Variants in SPATA2 observed in about 807,000 individuals in gnomAD.
The protein encoded by SPATA2 is spermatogenesis associated 2.
Under a neutral mutation model 35.4 loss-of-function variants are expected in SPATA2, and 8 were observed. The ratio of observed to expected loss-of-function variants is 0.23; its 90% CI spans 0.13 to 0.41. SPATA2 has a LOEUF of 0.41. SPATA2 is among the 10% of genes least tolerant of loss of function. SPATA2 has a pLI of 1.00. For synonymous variants in SPATA2, 293 were observed against 300.9 expected (o/e 0.97, Z 0.27); for missense variants, 650 against 698.7 (o/e 0.93, Z 0.79).
rs1432802650 is a variant in SPATA2 at position 49,908,217 on chromosome 20, G to C, written c.274C>G (p.Leu92Val). The change falls in exon 2 of 3, where the codon CTG becomes GTG. Residue 92 changes from leucine (L) to valine (V), a missense_variant. By Grantham distance (32) the Leu-to-Val change is conservative. Coordinates refer to ENST00000289431, the MANE Select transcript of SPATA2 (RefSeq NM_006038.4). ...AAGAGGTTGATGCCCACCGTCTCCA[G>C]CATGCTGAAGGCGCCGTGCAGAGCC... ...LRALHGAFSM[L>V]ETVGINLFLY... is the part of the protein sequence containing the mutation. 1 of 1,613,934 alleles carries C rather than the reference G, an allele frequency of 6.2e-7. No homozygotes were observed. Among genetic ancestry groups the C allele is most frequent in the South Asian group, 1.1e-5 (1 of 91,080 alleles).
chr20:49,912,787 T>A (rs2090188460), intron 1 of SPATA2, among the ~76,000 whole-genome samples: 1 of 152,108 alleles, frequency 6.6e-6, no homozygotes, highest in Non-Finnish European at 1.5e-5. Flanking sequence ...GCCCAGCTGA[T>A]GTTCAAAATA....
At chr20:49,913,815 T>G (rs1267426462) in intron 1 of SPATA2, 1 of 152,042 alleles carries the variant, frequency 6.6e-6, no homozygotes, top group Non-Finnish European at 1.5e-5. Context: ...CTGAAAACAT[T>G]TTCTGAGAAT....
rs943092531 is a variant in SPATA2, at chr20:49,905,544, C to A, written c.*75G>T. 4.6e-6 allele frequency: 7 copies of A among 1,525,916 alleles called. No individual in the cohort carries two copies. The highest frequency in any genetic ancestry group is 1.8e-5 in the Admixed American group (1 of 56,290). 94.5% of individuals were successfully genotyped at this position (1,525,916 alleles called of 1,614,324 possible). A position where few individuals can be genotyped will look rare whatever the true frequency, so the allele number is the denominator to read the frequency against. ...CAGGCCTCCGCCTCTGAGATCAATG[C>A]GTTAGTACTTCTTCACCGTGAAACC... is the stretch of plus-strand genomic sequence containing the variant. On this transcript the variant is annotated 3_prime_UTR_variant, in exon 3 of 3. Coordinates refer to ENST00000289431, the MANE Select transcript of SPATA2 (RefSeq NM_006038.4).
intron 1 of SPATA2, among the ~76,000 whole-genome samples, 193 bp downstream of exon 1, chr20:49,915,187 G>A (rs1363817031): frequency 1.3e-5 from 2 of 152,132 alleles, no homozygotes; most frequent in East Asian, 3.9e-4. Flanking sequence ...CTGCGAGGCA[G>A]CTCCCGGGAG....
chr20:49,911,519 T>C (rs2090181921), intron 1 of SPATA2, among the ~76,000 whole-genome samples: 1 of 151,328 alleles, frequency 6.6e-6, no homozygotes, highest in East Asian at 1.9e-4. Flanking sequence ...AAAAAAAAAT[T>C]AGACGGGTGT....
chr20:49,913,247 T>C (rs2090191239), intron 1 of SPATA2, among the ~76,000 whole-genome samples: 2 of 152,234 alleles, frequency 1.3e-5, no homozygotes, highest in South Asian at 4.1e-4. Flanking sequence ...GCTCTTCCCA[T>C]TAAAACAACC....
Position 49,905,954 on chromosome 20 carries a change from G to A in SPATA2, c.1228C>T (p.Pro410Ser). ...GAGGCCTTGCTGGGGAAGGCGCTGG[G>A]CTTGGAAGCTGGAGGACAGGTGAGC... ...SLLTCPPASK[P>S]SAFPSKASTH... Residue 410 changes from proline to serine, a missense_variant, in exon 3 of 3, where the codon CCC (proline) becomes TCC (serine). Pro to Ser is a moderately conservative substitution (Grantham distance 74). Coordinates refer to ENST00000289431, the MANE Select transcript of SPATA2 (RefSeq NM_006038.4). 6.2e-7 allele frequency: 1 copy of A among 1,609,812 alleles called. No individual in the cohort carries two copies. Among genetic ancestry groups the A allele is most frequent in the Non-Finnish European group, 8.5e-7 (1 of 1,179,892 alleles).
rs369935597 is a variant in SPATA2, at chr20:49,906,139, C to T, written c.1043G>A (p.Arg348His). 9.7e-5 allele frequency: 156 copies of T among 1,609,992 alleles called. No individual in the cohort carries two copies. The highest frequency in any genetic ancestry group is 1.2e-4 in the Non-Finnish European group (146 of 1,178,040). ...ATCCGGCCGCAGAGCATCCTGCCGACGGTAGGTGGCCCTGGGTTCAGAGTC... is the reference window on the plus strand; with the variant it reads ...ATCCGGCCGCAGAGCATCCTGCCGATGGTAGGTGGCCCTGGGTTCAGAGTC... ...YTDSEPRATY[R>H]RQDALRPDVW... The change falls in exon 3 of 3, where the codon CGT (arginine) becomes CAT (histidine). Residue 348 changes from arginine to histidine, a missense_variant. Arg to His is a conservative substitution (Grantham distance 29, BLOSUM62 0). Transcript: ENST00000289431. This position sits in a 1 kb window ranked among gnomAD's most constrained non-coding sequence, Gnocchi z 8.2.
At position 49,905,858 on chromosome 20, in the gene SPATA2, G is replaced by A. The variant is rs370232950; in HGVS notation, c.1324C>T (p.Arg442Cys). 6.2e-5 allele frequency: 100 copies of A among 1,613,800 alleles called. No homozygotes were observed. Among genetic ancestry groups the A allele is most frequent in the Middle Eastern group, 1.7e-4 (1 of 6,048 alleles). Residue 442 changes from arginine (R) to cysteine (C), a missense_variant, in exon 3 of 3, where the codon CGC (arginine) becomes TGC (cysteine). By Grantham distance (180) the Arg-to-Cys change is radical. Coordinates refer to ENST00000289431, the MANE Select transcript of SPATA2 (RefSeq NM_006038.4). ...GATTTGGAGTGAAGGTGCGGGAGGC[G>A]GTCGAGGCCCTGAGTCTGGCCTGGG... ...KYPGQTQGLDRLPHLHSKSKP... is the reference protein window; with the variant it reads ...KYPGQTQGLDCLPHLHSKSKP...
intron 1 of SPATA2, among the ~76,000 whole-genome samples, chr20:49,909,986 C>T (rs1427434896): frequency 6.6e-6 from 1 of 152,222 alleles, no homozygotes; most frequent in Non-Finnish European, 1.5e-5. Flanking sequence ...CGCTTGACAG[C>T]CCCCTGTTGG....
At position 49,906,760 on chromosome 20, in the gene SPATA2, G is replaced by A; in HGVS notation, c.422C>T (p.Thr141Ile). ...CTTGTATGCAGTGCCCAGCTCAGGTGTGTAGCCCATGCAGCTCAGGATGGC... is the reference window on the plus strand; with the variant it reads ...CTTGTATGCAGTGCCCAGCTCAGGTATGTAGCCCATGCAGCTCAGGATGGC... ...IRAILSCMGY[T>I]PELGTAYKLR... Residue 141 changes from threonine to isoleucine, a missense_variant, in exon 3 of 3, where the codon ACA (threonine) becomes ATA (isoleucine). Transcript: ENST00000289431. The surrounding 1 kb of genome is among the most constrained non-coding windows in gnomAD (Gnocchi z 8.2). 4 of 1,614,218 alleles carry A rather than the reference G, an allele frequency of 2.5e-6. No homozygotes were observed. Among genetic ancestry groups the A allele is most frequent in the Non-Finnish European group, 3.4e-6 (4 of 1,180,034 alleles).
rs1431587837 is a variant in SPATA2 at position 49,903,902 on chromosome 20, G to GATAGATAT, written c.*1716_*1717insATATCTAT. The GATAGATAT allele has an allele frequency of 2.5e-4, 24 of 96,908 alleles. No individual in the cohort carries two copies. Among genetic ancestry groups the GATAGATAT allele is most frequent in the Non-Finnish European group, 4.0e-4 (20 of 49,676 alleles). 6.0% of individuals were successfully genotyped at this position (96,908 alleles called of 1,614,324 possible). On this transcript the variant is annotated 3_prime_UTR_variant, in exon 3 of 3. Coordinates refer to ENST00000289431, the MANE Select transcript of SPATA2 (RefSeq NM_006038.4). ...ACATCTACATGTGATCTACCAGATA[G>GATAGATAT]ATATATATATATATATATATATATA... is the stretch of plus-strand genomic sequence containing the variant.
chr20:49,912,372 G>A (rs62208179), intron 1 of SPATA2, among the ~76,000 whole-genome samples: 2,215 of 152,332 alleles, frequency 0.015, 23 homozygotes, highest in Non-Finnish European at 0.025. Flanking sequence ...CGTGAACCCA[G>A]GAGGGAGAGG....
Position 49,906,012 on chromosome 20 carries a change from G to A in SPATA2, c.1170C>T (p.Cys390=). 2.5e-6 allele frequency: 4 copies of A among 1,606,094 alleles called. No homozygotes were observed. Among genetic ancestry groups the A allele is most frequent in the Non-Finnish European group, 3.4e-6 (4 of 1,179,514 alleles). Residue 390 remains cysteine (C), a synonymous_variant, in exon 3 of 3, where the codon TGC becomes TGT. Coordinates refer to ENST00000289431, the MANE Select transcript of SPATA2 (RefSeq NM_006038.4). This position sits in a 1 kb window ranked among gnomAD's most constrained non-coding sequence, Gnocchi z 8.2. ...CACAGCGCTGGCAGAGGGAGGAGCT[G>A]CAGGACAGCCCGCAGCTTTGGCACT... The part of the protein sequence containing the change: ...LSKCQSCGLS[C]SSSLCQRCDS...
intron 1 of SPATA2, among the ~76,000 whole-genome samples, chr20:49,910,886 T>C (rs2769978): frequency 0.42 from 64,195 of 152,012 alleles, 15,630 homozygotes; most frequent in East Asian, 0.79. Context: ...AGTGCTACAG[T>C]GACAAATAAG....
Position 49,905,891 on chromosome 20 carries a change from C to T in SPATA2, c.1291G>A (p.Glu431Lys), listed in dbSNP as rs748996662. The T allele has an allele frequency of 1.2e-6, 2 of 1,612,982 alleles. No homozygotes were observed. Among genetic ancestry groups the T allele is most frequent in the South Asian group, 2.2e-5 (2 of 91,068 alleles). The change falls in exon 3 of 3, where the codon GAG (glutamate) becomes AAG (lysine). Residue 431 changes from glutamate (E) to lysine (K), a missense_variant. By Grantham distance (56) the Glu-to-Lys change is moderately conservative. Coordinates refer to ENST00000289431, the MANE Select transcript of SPATA2 (RefSeq NM_006038.4). The part of the protein sequence containing the change: ...DSLAHGASLR[E>K]KYPGQTQGLD... Reference sequence around the variant, plus strand: ...CCCTGAGTCTGGCCTGGGTACTTCTCCCGCAGAGATGCCCCGTGGGCCAGG... The same window carrying T: ...CCCTGAGTCTGGCCTGGGTACTTCTTCCGCAGAGATGCCCCGTGGGCCAGG...
Position 49,906,687 on chromosome 20 carries a change from C to A in SPATA2, c.495G>T (p.Glu165Asp), listed in dbSNP as rs749155205. The change falls in exon 3 of 3, where the codon GAG (glutamate) becomes GAT (aspartate). Residue 165 changes from glutamate (E) to aspartate (D), a missense_variant. Coordinates refer to ENST00000289431, the MANE Select transcript of SPATA2 (RefSeq NM_006038.4). This position sits in a 1 kb window ranked among gnomAD's most constrained non-coding sequence, Gnocchi z 8.2. ...CACACTCGACTTTGGCCAGAAAGAG[C>A]TCAAAGGAGACCATCTTCACCTGGA... ...ETLQVKMVSF[E>D]LFLAKVECEQ... is the part of the protein sequence containing the mutation. The A allele has an allele frequency of 6.2e-7, 1 of 1,614,120 alleles. No individual in the cohort carries two copies. Among genetic ancestry groups the A allele is most frequent in the Non-Finnish European group, 8.5e-7 (1 of 1,180,066 alleles).
chr20:49,903,971 A>T lies in SPATA2; in HGVS notation c.*1648T>A, dbSNP rs886250265. 1 of 145,248 alleles carries T rather than the reference A, an allele frequency of 6.9e-6. No homozygotes were observed. The highest frequency in any genetic ancestry group is 2.6e-5 in the African/African-American group (1 of 39,114). 9.0% of individuals were successfully genotyped at this position (145,248 alleles called of 1,614,324 possible). ...TATATATTAAAAAGAGAGCCATAGA[A>T]GATTTGGAAAACCTTAAAATCACTC... On this transcript the variant is annotated 3_prime_UTR_variant, in exon 3 of 3. Transcript: ENST00000289431.
Position 49,908,161 on chromosome 20 carries a change from G to A in SPATA2, c.330C>T (p.Ser110=). 1.2e-6 allele frequency: 2 copies of A among 1,605,570 alleles called. No individual in the cohort carries two copies. Among genetic ancestry groups the A allele is most frequent in the African/African-American group, 1.3e-5 (1 of 74,826 alleles). ...GGCTGCTCCAGGACCTCACCTTGATGCTTCTGAATTCCTTCTTCCACGGGT... is the reference window on the plus strand; with the variant it reads ...GGCTGCTCCAGGACCTCACCTTGATACTTCTGAATTCCTTCTTCCACGGGT... The part of the protein sequence containing the change: ...FLYPWKKEFR[S]IKTYTGPFVY... The change falls in exon 2 of 3, where the codon AGC becomes AGT. Residue 110 remains serine, a synonymous_variant. Coordinates refer to ENST00000289431, the MANE Select transcript of SPATA2 (RefSeq NM_006038.4).
Sources: allele counts gnomAD v4.1 joint callset (sites outside exome capture counted in the v4.1 genomes callset), GRCh38; gene constraint gnomAD v4.1.1; non-coding constraint Gnocchi (gnomAD v3.1); transcripts MANE v1.5; gene names NCBI Gene and HGNC (gene_info 2026-07-23, HGNC 2026-07-21).